The following AUH variants were observed in gnomAD, a reference collection of about 807,000 sequenced individuals.
AUH encodes the protein methylglutaconyl-CoA hydratase, mitochondrial.
Under a neutral mutation model 42.3 loss-of-function variants are expected in AUH, and 29 were observed. The ratio of observed to expected loss-of-function variants is 0.69; its 90% confidence interval spans 0.51 to 0.93. The LOEUF is 0.93. Ranked by LOEUF, AUH falls within the 40% of genes least tolerant of loss-of-function variation. The pLI, the probability that AUH is intolerant of heterozygous loss-of-function variation, is 0.00. For synonymous variants in AUH, 174 were observed against 166.4 expected (o/e 1.05, Z -0.35); for missense variants, 452 against 438.1 (o/e 1.03, Z -0.28).
At chr9:91,282,697 A>C (rs1325624149) in intron 6 of AUH, among the ~76,000 whole-genome samples, 1 of 152,212 alleles carries the variant, frequency 6.6e-6, no homozygotes, top group Non-Finnish European at 1.5e-5. Flanking sequence ...TATGCAAATA[A>C]ACTAGAAAAT....
chr9:91,328,279 T>C (rs1250748216), intron 3 of AUH, among the ~76,000 whole-genome samples: 2 of 152,162 alleles, frequency 1.3e-5, no homozygotes, highest in African/African-American at 4.8e-5. Context: ...AATGCTGTAA[T>C]ACTGACATCT....
intron 6 of AUH, among the ~76,000 whole-genome samples, chr9:91,229,907 G>A (rs1417335510): frequency 6.6e-6 from 1 of 152,060 alleles, no homozygotes; most frequent in African/African-American, 2.4e-5. Flanking sequence ...GGCTTGTAGG[G>A]TTTCTGCCAA....
At chr9:91,355,001 C>T (rs964808459) in intron 3 of AUH, among the ~76,000 whole-genome samples, 4 of 152,280 alleles carry the variant, frequency 2.6e-5, no homozygotes, top group African/African-American at 9.6e-5. Context: ...TCACATTTGA[C>T]AAATGTGAAA....
At chr9:91,277,213 A>G (rs1825616635) in intron 6 of AUH, among the ~76,000 whole-genome samples, 1 of 152,228 alleles carries the variant, frequency 6.6e-6, no homozygotes, top group South Asian at 2.1e-4. Context: ...TCTCATCTAT[A>G]AAAATGGATG....
chr9:91,348,524 T>G (rs1024693828), intron 3 of AUH, among the ~76,000 whole-genome samples: 1 of 152,132 alleles, frequency 6.6e-6, no homozygotes, highest in Admixed American at 6.6e-5. Flanking sequence ...AAACAAACCG[T>G]GAAACAGTCA....
At chr9:91,228,926 T>C (rs1827696643) in intron 6 of AUH, among the ~76,000 whole-genome samples, 1 of 152,214 alleles carries the variant, frequency 6.6e-6, no homozygotes. Flanking sequence ...AGACAGTTTG[T>C]TTTAATTTCT....
chr9:91,344,274 T>C (rs139376746), intron 3 of AUH, among the ~76,000 whole-genome samples: 73 of 152,314 alleles, frequency 4.8e-4, no homozygotes, highest in East Asian at 2.7e-3. Flanking sequence ...TTTCAACCAA[T>C]TGCCAATCAG....
intron 6 of AUH, among the ~76,000 whole-genome samples, chr9:91,294,328 T>C (rs1459861608): frequency 1.3e-5 from 2 of 152,168 alleles, no homozygotes; most frequent in Non-Finnish European, 2.9e-5. Flanking sequence ...GGCAGGCAGA[T>C]CATGAGGTCA....
At chr9:91,225,307 G>A (rs117101968) in intron 6 of AUH, among the ~76,000 whole-genome samples, 122 of 152,302 alleles carry the variant, frequency 8.0e-4, no homozygotes, top group Non-Finnish European at 1.5e-3. Flanking sequence ...GCATCAGACT[G>A]TAAGCTCCAA....
At chr9:91,357,260 C>A (rs1309378525) in intron 1 of AUH, among the ~76,000 whole-genome samples, 1 of 152,314 alleles carries the variant, frequency 6.6e-6, no homozygotes, top group South Asian at 2.1e-4. Context: ...CTCATGTAAT[C>A]CCCACCACAA....
intron 6 of AUH, among the ~76,000 whole-genome samples, chr9:91,244,583 C>T (rs1007387590): frequency 6.6e-6 from 1 of 152,192 alleles, no homozygotes; most frequent in African/African-American, 2.4e-5. Flanking sequence ...ATCCACATCT[C>T]CCAACTAGCT....
chr9:91,228,808 T>C (rs1386330204), intron 6 of AUH, among the ~76,000 whole-genome samples: 1 of 152,230 alleles, frequency 6.6e-6, no homozygotes, highest in Non-Finnish European at 1.5e-5. Context: ...CATTTCGTTA[T>C]GTACCCAGTA....
chr9:91,276,704 C>T (rs774878690), intron 6 of AUH, among the ~76,000 whole-genome samples: 10 of 152,062 alleles, frequency 6.6e-5, no homozygotes, highest in Non-Finnish European at 1.5e-4. Flanking sequence ...CACAGAAAAA[C>T]ATAAACACTG....
chr9:91,355,954 T>C lies in AUH; in HGVS notation c.347A>G (p.Asp116Gly), dbSNP rs757639760. ...TACTTTCTTATCAGATTTCAAAGCA[T>C]CCACAGCTTTTGATAGCTAAACAGA... Reference protein sequence around the residue: ...NLIKMLSKAVDALKSDKKVRT... With the variant: ...NLIKMLSKAVGALKSDKKVRT... Residue 116 changes from aspartate to glycine, a missense_variant, in exon 3 of 10, where the codon GAT becomes GGT. Coordinates refer to ENST00000375731, the MANE Select transcript of AUH (RefSeq NM_001698.3). 2 of 1,613,176 alleles carry C rather than the reference T, an allele frequency of 1.2e-6. No homozygotes were observed. The highest frequency in any genetic ancestry group is 1.3e-5 in the African/African-American group (1 of 74,846).
intron 4 of AUH, among the ~76,000 whole-genome samples, chr9:91,320,222 T>C (rs1419658492): frequency 6.6e-6 from 1 of 152,244 alleles, no homozygotes; most frequent in Non-Finnish European, 1.5e-5. Context: ...AGTTTACAAA[T>C]ATACGGTTTT....
rs1439303788 is a variant in AUH, at chr9:91,357,478, A to C, written c.263-1323T>G. On this transcript the variant is annotated intron_variant, in intron 1 of 9. Coordinates refer to ENST00000375731, the MANE Select transcript of AUH (RefSeq NM_001698.3). Reference sequence around the variant, plus strand: ...GTCCATTCATTCAAACATACTGAGTACGTACTATAGTGATCAGCAGCCATG... The same window carrying C: ...GTCCATTCATTCAAACATACTGAGTCCGTACTATAGTGATCAGCAGCCATG... The C allele has an allele frequency of 3.1e-6, 3 of 966,950 alleles. No individual in the cohort carries two copies. In the South Asian group the frequency reaches 1.4e-4, roughly 46 times the overall value. The allele number at this position is 966,950 out of a possible 1,614,324, so 59.9% of individuals were successfully genotyped here. A position where few individuals can be genotyped will look rare whatever the true frequency, so the allele number is the denominator to read the frequency against.
intron 3 of AUH, among the ~76,000 whole-genome samples, chr9:91,350,922 T>C (rs1022908598): frequency 6.6e-6 from 1 of 152,194 alleles, no homozygotes; most frequent in Non-Finnish European, 1.5e-5. Context: ...TATAACGAAG[T>C]TATTTCAGAA....
At chr9:91,263,916 A>T (rs1157719760) in intron 6 of AUH, among the ~76,000 whole-genome samples, 1 of 152,172 alleles carries the variant, frequency 6.6e-6, no homozygotes, top group Non-Finnish European at 1.5e-5. Flanking sequence ...ATATGATTAC[A>T]TTCTCTGTTT....
At chr9:91,255,453 A>G (rs940608308) in intron 6 of AUH, among the ~76,000 whole-genome samples, 5 of 152,226 alleles carry the variant, frequency 3.3e-5, no homozygotes, top group Admixed American at 6.5e-5. Flanking sequence ...CCAAGTGTGT[A>G]ATGTGAGTGA....
Sources: allele counts gnomAD v4.1 joint callset (sites outside exome capture counted in the v4.1 genomes callset), GRCh38; gene constraint gnomAD v4.1.1; transcripts MANE v1.5; gene names NCBI Gene and HGNC (gene_info 2026-07-23, HGNC 2026-07-21).